The following CR1 variants were observed in gnomAD, a reference collection of about 807,000 sequenced individuals.
The protein encoded by CR1 is complement C3b/C4b receptor 1 (Knops blood group).
CR1 carries 116 observed loss-of-function variants against 187.3 expected under a neutral mutation model. The observed-to-expected ratio is 0.62, with a 90% CI of 0.53 to 0.72. The LOEUF (loss-of-function observed/expected upper bound fraction) is 0.72, where lower values mean the gene tolerates loss of function less well. Among genes scored for constraint, CR1 ranks in the 30% least tolerant of loss-of-function variants. The pLI is 0.00. For missense variants in CR1, 1,731 were observed against 2,110.7 expected (o/e 0.82, Z 3.52); for synonymous variants, 576 against 747.1 (o/e 0.77, Z 3.73).
chr1:207,609,409 C>G lies in CR1; in HGVS notation c.6016C>G (p.Gln2006Glu). Residue 2006 changes from glutamine to glutamate, a missense_variant, in exon 37 of 47, where the codon CAG (glutamine) becomes GAG (glutamate). By Grantham distance (29) the Gln-to-Glu change is conservative (BLOSUM62 2). Coordinates refer to ENST00000367049, the MANE Select transcript of CR1 (RefSeq NM_000651.6). Reference sequence around the variant, plus strand: ...GTGCCACACTGGACCAGATGGAGAACAGCTGTTTGAGCTTGTGGGAGAACG... The same window carrying G: ...GTGCCACACTGGACCAGATGGAGAAGAGCTGTTTGAGCTTGTGGGAGAACG... ...YQCHTGPDGEQLFELVGERSI... is the reference protein window; with the variant it reads ...YQCHTGPDGEELFELVGERSI... 1.2e-6 allele frequency: 2 copies of G among 1,614,002 alleles called. No homozygotes were observed. Among genetic ancestry groups the G allele is most frequent in the Non-Finnish European group, 1.7e-6 (2 of 1,179,892 alleles).
chr1:207,564,764 G>T lies in CR1; in HGVS notation c.3866+530G>T, dbSNP rs1660440537. 2.7e-5 allele frequency among the ~76,000 whole-genome samples: 4 copies of T among 150,108 alleles called. No individual in the cohort carries two copies. In the South Asian group the frequency reaches 8.3e-4, roughly 31 times the overall value. On this transcript the variant is annotated intron_variant, in intron 23 of 46. Coordinates refer to ENST00000367049, the MANE Select transcript of CR1 (RefSeq NM_000651.6). ...TGCAGTGAGCCGAGATGGCACCATT[G>T]CACTCCAGCGTGAACAATGAGTGAA...
rs1183247509 is a variant in CR1 at position 207,641,246 on chromosome 1, T to G, written c.*1837T>G. On this transcript the variant is annotated 3_prime_UTR_variant, in exon 47 of 47. Transcript: ENST00000367049. Reference sequence around the variant, plus strand: ...GAATTGGCCTTTTTAGAATTAAAATTTCCCATTACAAGAAAAAAAAATCCT... The same window carrying G: ...GAATTGGCCTTTTTAGAATTAAAATGTCCCATTACAAGAAAAAAAAATCCT... The G allele has an allele frequency of 6.6e-6, 1 of 152,072 alleles. No homozygotes were observed. Among genetic ancestry groups the G allele is most frequent in the African/African-American group, 2.4e-5 (1 of 41,438 alleles). 9.4% of individuals were successfully genotyped at this position (152,072 alleles called of 1,614,324 possible). A position where few individuals can be genotyped will look rare whatever the true frequency, so the allele number is the denominator to read the frequency against.
chr1:207,629,955 A>C, intron 45 of CR1, among the ~76,000 whole-genome samples: 1 of 152,256 alleles, frequency 6.6e-6, no homozygotes, highest in East Asian at 1.9e-4. Context: ...TTTATGATGC[A>C]TGTCAGAAAA....
Position 207,618,204 on chromosome 1 carries a change from T to C in CR1, c.7023T>C (p.Cys2341=). The change falls in exon 42 of 47, where the codon TGT becomes TGC. Residue 2341 remains cysteine, a synonymous_variant. Coordinates refer to ENST00000367049, the MANE Select transcript of CR1 (RefSeq NM_000651.6). ...TAGTGGGAAAGGGCTTCATTTTCTG[T>C]ACAGACCAGGGAATCTGGAGCCAAT... ...YLLVGKGFIF[C]TDQGIWSQLD... 1.2e-6 allele frequency: 2 copies of C among 1,613,856 alleles called. No individual in the cohort carries two copies. Among genetic ancestry groups the C allele is most frequent in the Non-Finnish European group, 1.7e-6 (2 of 1,179,794 alleles).
Position 207,496,259 on chromosome 1 carries a change from T to G in CR1, c.-9T>G, listed in dbSNP as rs778743380. The G allele has an allele frequency of 6.2e-7, 1 of 1,613,864 alleles. No homozygotes were observed. The highest frequency in any genetic ancestry group is 2.2e-5 in the East Asian group (1 of 44,884). On this transcript the variant is annotated 5_prime_UTR_variant, in exon 1 of 47. Coordinates refer to ENST00000367049, the MANE Select transcript of CR1 (RefSeq NM_000651.6). ...GATCAAATCTGGTTTGTAGATGTGCTTGGGGAGAATGGGGGCCTCTTCTCC... is the reference window on the plus strand; with the variant it reads ...GATCAAATCTGGTTTGTAGATGTGCGTGGGGAGAATGGGGGCCTCTTCTCC...
chr1:207,580,483 T>C (rs1660900074), intron 30 of CR1, 28 bp from the exon 31 acceptor site: 1 of 1,594,864 alleles, frequency 6.3e-7, no homozygotes, highest in African/African-American at 1.4e-5. Context: ...ACTCCTATTT[T>C]TTCTTTTTTT....
chr1:207,575,486 G>A (rs1558240278), intron 27 of CR1, 109 bp from the exon 28 acceptor site: 2 of 1,356,490 alleles, frequency 1.5e-6, no homozygotes, highest in Non-Finnish European at 2.1e-6. Context: ...TTTAGGCTAG[G>A]CCTTAGACTT....
Position 207,584,789 on chromosome 1 carries a change from G to A in CR1, c.5443G>A (p.Glu1815Lys). Residue 1815 changes from glutamate (E) to lysine (K), a missense_variant, in exon 33 of 47, where the codon GAG becomes AAG. Glu to Lys is a moderately conservative substitution (Grantham distance 56, BLOSUM62 1). Coordinates refer to ENST00000367049, the MANE Select transcript of CR1 (RefSeq NM_000651.6). ...DRGMTFNLIG[E>K]STIRCTSDPH... ...AGGGATGACCTTCAACCTCATTGGG[G>A]AGAGCACCATCCGCTGCACAAGTGA... The A allele has an allele frequency of 6.2e-7, 1 of 1,613,906 alleles. No individual in the cohort carries two copies. Among genetic ancestry groups the A allele is most frequent in the Non-Finnish European group, 8.5e-7 (1 of 1,179,854 alleles).
chr1:207,615,865 A>G, intron 40 of CR1, among the ~76,000 whole-genome samples: 1 of 152,236 alleles, frequency 6.6e-6, no homozygotes, highest in East Asian at 1.9e-4. Context: ...TGTTTGATGT[A>G]CTAGGTCTTT....
intron 30 of CR1, 37 bp from the exon 31 acceptor site, chr1:207,580,474 C>T (rs1184592587): frequency 3.1e-6 from 5 of 1,598,548 alleles, no homozygotes; most frequent in African/African-American, 1.4e-5. Context: ...GGAGGTCTTA[C>T]TCCTATTTTT....
In CR1 at chr1:207,593,675, C is replaced by T. The variant is rs190263447; in HGVS notation, c.5810+4901C>T. The stretch of plus-strand genomic sequence containing the variant: ...ACTATCATCAGAGTGAACAGACAAC[C>T]TACAGAATGGGAGAAAATTTTTGCA... On this transcript the variant is annotated intron_variant, in intron 35 of 46. Coordinates refer to ENST00000367049, the MANE Select transcript of CR1 (RefSeq NM_000651.6). Among the ~76,000 whole-genome samples, 188 of 152,212 alleles carry T rather than the reference C, an allele frequency of 1.2e-3. 1 individual carries two copies. Among genetic ancestry groups the T allele is most frequent in the Non-Finnish European group, 1.8e-4 (12 of 68,014 alleles).
At chr1:207,625,119 C>T (rs1662441785) in intron 45 of CR1, among the ~76,000 whole-genome samples, 1 of 152,228 alleles carries the variant, frequency 6.6e-6, no homozygotes, top group South Asian at 2.1e-4. Flanking sequence ...TAATCACCTT[C>T]AGGCATAAAC....
At chr1:207,614,532 T>C (rs566282281) in intron 40 of CR1, 43 bp downstream of exon 40, 1 of 1,552,674 alleles carries the variant, frequency 6.4e-7, no homozygotes, top group African/African-American at 1.4e-5. Context: ...TCTCCTTATT[T>C]TCGTTTTCCA....
rs1415027637 is a variant in CR1, at chr1:207,587,411, T to C, written c.5556T>C (p.Phe1852=). 2 of 1,613,694 alleles carry C rather than the reference T, an allele frequency of 1.2e-6. No individual in the cohort carries two copies. Among genetic ancestry groups the C allele is most frequent in the Admixed American group, 3.3e-5 (2 of 59,996 alleles). The change falls in exon 34 of 47, where the codon TTT becomes TTC. Residue 1852 remains phenylalanine, a synonymous_variant. Coordinates refer to ENST00000367049, the MANE Select transcript of CR1 (RefSeq NM_000651.6). ...GTCACTGTAAAACCCCAGAGCAGTT[T>C]CCATTTGCCAGTCCTACGATCCCAA... The part of the protein sequence containing the change: ...RAGHCKTPEQ[F]PFASPTIPIN...
chr1:207,623,302 C>T (rs1662371108), intron 45 of CR1, among the ~76,000 whole-genome samples: 1 of 152,112 alleles, frequency 6.6e-6, no homozygotes, highest in African/African-American at 2.4e-5. Flanking sequence ...GACCATTTGG[C>T]CAGGTATGGT....
At chr1:207,585,786 C>A (rs1454545344) in intron 33 of CR1, among the ~76,000 whole-genome samples, 1 of 152,066 alleles carries the variant, frequency 6.6e-6, no homozygotes, top group Non-Finnish European at 1.5e-5. Flanking sequence ...GCTTAATGAA[C>A]AGATGGAGGA....
At chr1:207,504,971 C>G (rs1182893243) in intron 1 of CR1, among the ~76,000 whole-genome samples, 3 of 152,166 alleles carry the variant, frequency 2.0e-5, no homozygotes, top group Non-Finnish European at 4.4e-5. Context: ...CTATTGTGAA[C>G]TGTGCATATG....
intron 46 of CR1, among the ~76,000 whole-genome samples, chr1:207,634,864 C>CA (rs916812487): frequency 1.2e-4 from 18 of 152,146 alleles, no homozygotes; most frequent in African/African-American, 3.4e-4. Context: ...ACAACAGAAT[C>CA]AAAAAAACAT....
intron 31 of CR1, 101 bp downstream of exon 31, chr1:207,580,714 A>G (rs1571554996): frequency 2.9e-6 from 3 of 1,051,506 alleles, no homozygotes; most frequent in Non-Finnish European, 4.2e-6. Flanking sequence ...GAGAAGAAGA[A>G]TCCAGGGAGA....
Sources: allele counts gnomAD v4.1 joint callset (sites outside exome capture counted in the v4.1 genomes callset), GRCh38; gene constraint gnomAD v4.1.1; transcripts MANE v1.5; gene names NCBI Gene and HGNC (gene_info 2026-07-23, HGNC 2026-07-21).